MAD1L1: variants seen among roughly 807,000 people sequenced by gnomAD.
MAD1L1 encodes mitotic arrest deficient 1 like 1.
Under a neutral mutation model 96.9 loss-of-function variants are expected in MAD1L1, and 95 were observed. That is an observed-to-expected ratio of 0.98 (90% CI 0.83 to 1.16). The LOEUF is 1.16. MAD1L1 is among the 50% of genes most tolerant of loss of function. The pLI, the probability that MAD1L1 is intolerant of heterozygous loss-of-function variation, is 0.00. For synonymous variants in MAD1L1, 473 were observed against 396.6 expected (o/e 1.19, Z -2.29); for missense variants, 1,007 against 954.4 (o/e 1.06, Z -0.73).
In MAD1L1 at chr7:2,056,330, G is replaced by C. The variant is rs542521696; in HGVS notation, c.1218+12864C>G. 2.7e-3 allele frequency among the ~76,000 whole-genome samples: 405 copies of C among 152,344 alleles called. 2 individuals carry two copies. The highest frequency in any genetic ancestry group is 9.1e-3 in the African/African-American group (378 of 41,578). The stretch of plus-strand genomic sequence containing the variant: ...CAGACCTAAAGAGGGGTGTGGAGCA[G>C]AAGAGACGGCGATCAGAAGCAGCAT... On this transcript the variant is annotated intron_variant, in intron 12 of 18. Transcript: ENST00000265854.
chr7:2,169,618 G>A (rs993193901), intron 10 of MAD1L1, among the ~76,000 whole-genome samples: 3 of 152,236 alleles, frequency 2.0e-5, no homozygotes, highest in Non-Finnish European at 4.4e-5. Flanking sequence ...AACAGGTCAG[G>A]TGCATGGAGT....
intron 16 of MAD1L1, among the ~76,000 whole-genome samples, chr7:1,951,492 A>G (rs902579940): frequency 2.0e-5 from 3 of 152,182 alleles, no homozygotes; most frequent in Admixed American, 2.0e-4. Context: ...CCTGGCATTC[A>G]GCACACTCTC....
At chr7:2,171,587 G>A (rs1275388665) in intron 10 of MAD1L1, among the ~76,000 whole-genome samples, 1 of 150,944 alleles carries the variant, frequency 6.6e-6, no homozygotes, top group Non-Finnish European at 1.5e-5. Flanking sequence ...GCTGGAGGGT[G>A]GAGATGGGCC....
intron 18 of MAD1L1, among the ~76,000 whole-genome samples, chr7:1,880,967 G>A (rs1372991507): frequency 6.6e-6 from 1 of 152,238 alleles, no homozygotes; most frequent in Non-Finnish European, 1.5e-5. Context: ...GCTGACAGAG[G>A]GCTCTCTAGG....
At chr7:1,948,914 C>T (rs1018758621) in intron 16 of MAD1L1, among the ~76,000 whole-genome samples, 10 of 152,306 alleles carry the variant, frequency 6.6e-5, no homozygotes, top group Admixed American at 2.0e-4. Flanking sequence ...TGAACAGAGA[C>T]GAGATGCATA....
chr7:1,862,817 CAAAAG>C (rs940404500), intron 18 of MAD1L1, among the ~76,000 whole-genome samples: 1 of 152,234 alleles, frequency 6.6e-6, no homozygotes, highest in African/African-American at 2.4e-5. Context: ...AAAACAAACT[CAAAAG>C]AGACAAAACA....
chr7:2,130,845 G>A (rs1159448010), intron 11 of MAD1L1, among the ~76,000 whole-genome samples: 5 of 152,178 alleles, frequency 3.3e-5, no homozygotes, highest in African/African-American at 4.8e-5. Context: ...TCTTCAGTGC[G>A]AATGCCAAAT....
intron 18 of MAD1L1, among the ~76,000 whole-genome samples, chr7:1,868,768 C>T (rs1228901169): frequency 2.0e-5 from 3 of 152,318 alleles, no homozygotes; most frequent in South Asian, 4.1e-4. Flanking sequence ...GACGCAGTGA[C>T]GACCACCAGG....
chr7:1,886,022 C>A (rs1261786166), intron 18 of MAD1L1, among the ~76,000 whole-genome samples: 1 of 152,276 alleles, frequency 6.6e-6, no homozygotes, highest in African/African-American at 2.4e-5. Context: ...CCCACGACCG[C>A]CCCACCTGGG....
chr7:2,121,257 C>A (rs919445559), intron 11 of MAD1L1, among the ~76,000 whole-genome samples: 2 of 152,238 alleles, frequency 1.3e-5, no homozygotes, highest in African/African-American at 4.8e-5. Context: ...GCCAAGAGGA[C>A]AAGCCCAGAT....
chr7:2,211,960 G>A (rs776197928), intron 10 of MAD1L1, among the ~76,000 whole-genome samples: 3 of 152,154 alleles, frequency 2.0e-5, no homozygotes, highest in Non-Finnish European at 2.9e-5. Flanking sequence ...AGGCCGCCTC[G>A]GCACCAGCAC....
chr7:1,944,364 G>A (rs1450835788), intron 16 of MAD1L1, among the ~76,000 whole-genome samples: 1 of 152,216 alleles, frequency 6.6e-6, no homozygotes, highest in African/African-American at 2.4e-5. Context: ...TACGTGGAAT[G>A]TGCGTCGCAT....
At chr7:2,138,087 T>A (rs1216815459) in intron 11 of MAD1L1, among the ~76,000 whole-genome samples, 2 of 152,240 alleles carry the variant, frequency 1.3e-5, no homozygotes, top group Admixed American at 1.3e-4. Flanking sequence ...TCACCAGGGC[T>A]GCACCCACGC....
intron 11 of MAD1L1, among the ~76,000 whole-genome samples, chr7:2,124,677 G>T (rs1788146506): frequency 1.3e-5 from 2 of 152,298 alleles, no homozygotes; most frequent in East Asian, 1.9e-4. Flanking sequence ...AGACCTGCTG[G>T]GTTCTCACAC....
At chr7:2,101,045 A>G (rs571434255) in intron 11 of MAD1L1, among the ~76,000 whole-genome samples, 1 of 152,352 alleles carries the variant, frequency 6.6e-6, no homozygotes, top group Admixed American at 6.5e-5. Context: ...TTTCCCCATC[A>G]GCAAGAGGAT....
At chr7:2,171,468 T>C (rs921935439) in intron 10 of MAD1L1, among the ~76,000 whole-genome samples, 61 of 151,758 alleles carry the variant, frequency 4.0e-4, no homozygotes, top group African/African-American at 1.5e-3. Flanking sequence ...ACCTCCACCC[T>C]GCAAAGGACA....
chr7:2,032,129 C>A (rs1315737157), intron 12 of MAD1L1, among the ~76,000 whole-genome samples: 1 of 152,246 alleles, frequency 6.6e-6, no homozygotes, highest in African/African-American at 2.4e-5. Context: ...AGCTCCCTGA[C>A]CCCTCATTCA....
intron 10 of MAD1L1, among the ~76,000 whole-genome samples, chr7:2,179,220 T>C (rs945798601): frequency 3.3e-5 from 5 of 151,894 alleles, no homozygotes; most frequent in East Asian, 1.9e-4. Context: ...ACACCACAAC[T>C]CCATGGTGGC....
intron 16 of MAD1L1, among the ~76,000 whole-genome samples, chr7:1,939,242 C>CGGGCCAGGGCCG (rs1778818034): frequency 6.8e-6 from 1 of 147,030 alleles, no homozygotes; most frequent in African/African-American, 2.5e-5. Context: ...CACACACACA[C>CGGGCCAGGGCCG]GGGCCAGGGC....
Sources: gnomAD v4.1 joint callset for allele counts (sites outside exome capture counted in the v4.1 genomes callset) on GRCh38, gnomAD v4.1.1 for gene constraint, MANE v1.5 for transcripts, NCBI Gene and HGNC (gene_info 2026-07-23, HGNC 2026-07-21) for gene names.